VTI1A: variants seen among roughly 807,000 people sequenced by gnomAD.
VTI1A encodes vesicle transport through interaction with t-SNAREs homolog 1A.
A neutral mutation model predicts 34.9 loss-of-function variants in VTI1A; 22 were observed. The observed-to-expected ratio is 0.63, with a 90% CI of 0.45 to 0.90. VTI1A has a LOEUF of 0.90. Among genes scored for constraint, VTI1A ranks in the 40% least tolerant of loss-of-function variants. The pLI is 0.00. For missense variants in VTI1A, 268 were observed against 275.6 expected, an observed-to-expected ratio of 0.97 and a Z score of 0.20; for synonymous variants, 87 against 97.3, an observed-to-expected ratio of 0.89 and a Z score of 0.62.
In VTI1A at chr10:112,741,077, T is replaced by C. The variant is rs139530532; in HGVS notation, c.560+72079T>C. Among the ~76,000 whole-genome samples the C allele has an allele frequency of 3.2e-3, 493 of 152,318 alleles. 4 individuals carry two copies. Among genetic ancestry groups the C allele is most frequent in the African/African-American group, 0.01 (425 of 41,566 alleles). On this transcript the variant is annotated intron_variant, in intron 7 of 7. Transcript: ENST00000393077. ...GACCACATAGTCTATGAATCCATTG[T>C]ATGGAATGTCTGGAATAACTAATCT...
intron 5 of VTI1A, among the ~76,000 whole-genome samples, chr10:112,633,270 TAAG>T (rs911649117): frequency 1.3e-5 from 2 of 152,172 alleles, no homozygotes; most frequent in African/African-American, 2.4e-5. Flanking sequence ...ATAATAATAG[TAAG>T]AAGAAGATTA....
chr10:112,719,295 G>A (rs917138021), intron 7 of VTI1A, among the ~76,000 whole-genome samples: 12 of 151,992 alleles, frequency 7.9e-5, no homozygotes, highest in African/African-American at 2.9e-4. Flanking sequence ...TGCAAAAATG[G>A]GTTTAAAGCA....
chr10:112,737,315 C>A (rs1850521861), intron 7 of VTI1A: 1 of 1,021,730 alleles, frequency 9.8e-7, no homozygotes, highest in Non-Finnish European at 1.2e-6. Flanking sequence ...ATCTCTTAAC[C>A]TTGTGAGCCA....
intron 7 of VTI1A, among the ~76,000 whole-genome samples, chr10:112,792,103 G>A (rs570881278): frequency 7.9e-5 from 12 of 152,162 alleles, no homozygotes; most frequent in South Asian, 6.2e-4. Flanking sequence ...GTGAAATCCC[G>A]TCTCTACTAA....
intron 7 of VTI1A, among the ~76,000 whole-genome samples, chr10:112,673,690 C>G (rs17130002): frequency 6.6e-6 from 1 of 152,116 alleles, no homozygotes; most frequent in Non-Finnish European, 1.5e-5. Flanking sequence ...GAGTTACTTT[C>G]GAGTTAGCCT....
intron 7 of VTI1A, among the ~76,000 whole-genome samples, chr10:112,674,649 A>G (rs568689009): frequency 2.6e-5 from 4 of 152,286 alleles, no homozygotes; most frequent in African/African-American, 4.8e-5. Flanking sequence ...GTGACCCTCA[A>G]TCATGTATTG....
chr10:112,751,094 G>C (rs958786024), intron 7 of VTI1A, among the ~76,000 whole-genome samples: 1 of 152,028 alleles, frequency 6.6e-6, no homozygotes, highest in African/African-American at 2.4e-5. Context: ...TTATCTGTCC[G>C]GACTGTAAAT....
intron 5 of VTI1A, among the ~76,000 whole-genome samples, chr10:112,655,265 A>G (rs894230061): frequency 4.6e-5 from 7 of 152,254 alleles, no homozygotes; most frequent in Non-Finnish European, 8.8e-5. Flanking sequence ...AAAGATTTGA[A>G]GTATCTTACT....
chr10:112,683,432 A>G (rs1270736742), intron 7 of VTI1A, among the ~76,000 whole-genome samples: 2 of 152,250 alleles, frequency 1.3e-5, no homozygotes, highest in East Asian at 1.9e-4. Flanking sequence ...TTTTTCTGCA[A>G]TATTACCATA....
chr10:112,682,603 C>T (rs1378696335), intron 7 of VTI1A, among the ~76,000 whole-genome samples: 1 of 152,200 alleles, frequency 6.6e-6, no homozygotes, highest in Non-Finnish European at 1.5e-5. Flanking sequence ...TTACCTCCCC[C>T]TCCTTAAGAA....
rs76038085 is a variant in VTI1A, at chr10:112,803,048, A to G, written c.561-12242A>G. 6.0e-3 allele frequency among the ~76,000 whole-genome samples: 910 copies of G among 152,206 alleles called. 6 individuals are homozygous for G. Among genetic ancestry groups the G allele is most frequent in the African/African-American group, 0.021 (857 of 41,556 alleles). ...AGGGGCCACTTTTCCCAGTCGTCCCATGCCCCCTCTTCATTTTATTTTATT... is the reference window on the plus strand; with the variant it reads ...AGGGGCCACTTTTCCCAGTCGTCCCGTGCCCCCTCTTCATTTTATTTTATT... On this transcript the variant is annotated intron_variant, in intron 7 of 7. Coordinates refer to ENST00000393077, the MANE Select transcript of VTI1A (RefSeq NM_145206.4).
chr10:112,741,412 C>T (rs939445143), intron 7 of VTI1A, among the ~76,000 whole-genome samples: 2 of 152,150 alleles, frequency 1.3e-5, no homozygotes, highest in Admixed American at 6.5e-5. Flanking sequence ...GCCAGGATCA[C>T]ACTACTTTAC....
intron 5 of VTI1A, among the ~76,000 whole-genome samples, chr10:112,598,381 T>A (rs1057486182): frequency 3.9e-5 from 6 of 152,258 alleles, no homozygotes; most frequent in Non-Finnish European, 8.8e-5. Context: ...AGTCTCCAAA[T>A]GTACCTTTCT....
intron 7 of VTI1A, among the ~76,000 whole-genome samples, chr10:112,693,422 C>T (rs566615080): frequency 2.0e-5 from 3 of 152,160 alleles, no homozygotes; most frequent in African/African-American, 4.8e-5. Flanking sequence ...TGGTGGGCAC[C>T]TGTAATCCCA....
chr10:112,605,277 G>A (rs559804531), intron 5 of VTI1A, among the ~76,000 whole-genome samples: 3 of 152,224 alleles, frequency 2.0e-5, no homozygotes, highest in South Asian at 2.1e-4. Flanking sequence ...CACCCCTGAC[G>A]TATTTATCTG....
intron 5 of VTI1A, among the ~76,000 whole-genome samples, chr10:112,576,586 A>T (rs1843719672): frequency 6.6e-6 from 1 of 152,244 alleles, no homozygotes; most frequent in Non-Finnish European, 1.5e-5. Context: ...TCTCAAGAGT[A>T]TCTTGGGGTG....
chr10:112,654,560 T>G (rs1380654383), intron 5 of VTI1A, among the ~76,000 whole-genome samples: 1 of 152,134 alleles, frequency 6.6e-6, no homozygotes, highest in Non-Finnish European at 1.5e-5. Context: ...TGGCACAGTC[T>G]CGACTCACTG....
rs1418805647 is a variant in VTI1A at position 112,618,514 on chromosome 10, T to TAGAGAGAGAGAGAG, written c.428-49703_428-49702insGAGAGAGAGAGAGA. On this transcript the variant is annotated intron_variant, in intron 5 of 7. Coordinates refer to ENST00000393077, the MANE Select transcript of VTI1A (RefSeq NM_145206.4). The stretch of plus-strand genomic sequence containing the variant: ...TTATATATATATATATATATATATA[T>TAGAGAGAGAGAGAG]ATATATATATAGAGAGAGAGAGAGA... Among the ~76,000 whole-genome samples the TAGAGAGAGAGAGAG allele has an allele frequency of 5.0e-3, 212 of 42,434 alleles. 1 individual carries two copies. Among genetic ancestry groups the TAGAGAGAGAGAGAG allele is most frequent in the Non-Finnish European group, 6.6e-3 (168 of 25,498 alleles). 27.8% of individuals were successfully genotyped at this position (42,434 alleles called of 152,430 possible). A position where few individuals can be genotyped will look rare whatever the true frequency, so the allele number is the denominator to read the frequency against.
chr10:112,482,189 C>T (rs1215922562), intron 3 of VTI1A, among the ~76,000 whole-genome samples: 1 of 152,040 alleles, frequency 6.6e-6, no homozygotes, highest in African/African-American at 2.4e-5. Context: ...GTTATTTTCT[C>T]AGTTTTTTAA....
Sources: gnomAD v4.1 joint callset for allele counts (sites outside exome capture counted in the v4.1 genomes callset) on GRCh38, gnomAD v4.1.1 for gene constraint, MANE v1.5 for transcripts, NCBI Gene and HGNC (gene_info 2026-07-23, HGNC 2026-07-21) for gene names.